STXBP5L: variants seen among roughly 807,000 people sequenced by gnomAD.
STXBP5L encodes syntaxin-binding protein 5-like.
In STXBP5L, 65 loss-of-function variants were observed where a neutral mutation model predicts 144.5. The observed-to-expected ratio is 0.45, with a 90% CI of 0.37 to 0.55. The LOEUF (loss-of-function observed/expected upper bound fraction) is 0.55. Ranked by LOEUF, STXBP5L falls within the 20% of genes least tolerant of loss-of-function variation. The probability of loss-of-function intolerance (pLI) is 0.00; values close to 1 mark genes in which losing one functional copy is unlikely to be tolerated. For synonymous variants in STXBP5L, 505 were observed against 469.6 expected (o/e 1.08, Z -0.97); for missense variants, 1,298 against 1,405.5 (o/e 0.92, Z 1.22).
intron 20 of STXBP5L, among the ~76,000 whole-genome samples, chr3:121,348,360 A>G (rs1028965716): frequency 5.3e-5 from 8 of 152,130 alleles, no homozygotes; most frequent in African/African-American, 1.7e-4. Context: ...TCGGTTTGCC[A>G]GTATTTTATT....
At chr3:121,166,874 G>C (rs1025329591) in intron 9 of STXBP5L, among the ~76,000 whole-genome samples, 6 of 152,128 alleles carry the variant, frequency 3.9e-5, no homozygotes, top group Non-Finnish European at 1.5e-5. Context: ...CATATAAAGA[G>C]AAAGAATATG....
chr3:121,002,402 T>G (rs1454076559), intron 3 of STXBP5L, among the ~76,000 whole-genome samples: 1 of 151,678 alleles, frequency 6.6e-6, no homozygotes, highest in Non-Finnish European at 1.5e-5. Flanking sequence ...AATTTGAGGG[T>G]TTTTTTTGTT....
intron 5 of STXBP5L, among the ~76,000 whole-genome samples, chr3:121,047,449 G>A (rs1560052431): frequency 6.6e-6 from 1 of 152,104 alleles, no homozygotes; most frequent in Non-Finnish European, 1.5e-5. Flanking sequence ...ACTGTCAGTA[G>A]GGTGTTGAAG....
At chr3:121,273,418 A>G (rs543371441) in intron 18 of STXBP5L, among the ~76,000 whole-genome samples, 35 of 151,772 alleles carry the variant, frequency 2.3e-4, no homozygotes, top group African/African-American at 8.0e-4. Context: ...ACAAGTTACT[A>G]TTCTCTTACT....
chr3:121,068,608 T>G (rs578028228), intron 5 of STXBP5L, among the ~76,000 whole-genome samples: 93 of 152,262 alleles, frequency 6.1e-4, no homozygotes, highest in Middle Eastern at 3.4e-3. Context: ...CAACTTGCAC[T>G]TTACCTCTAT....
chr3:121,422,575 CA>C lies in STXBP5L; in HGVS notation c.*3482del, dbSNP rs2047374208. The stretch of plus-strand genomic sequence containing the variant: ...ATTCCTCATTTGTTTTAATCACCTA[CA>C]AAAGCAGTACTACTGACTTTGCTTC... On this transcript the variant is annotated 3_prime_UTR_variant, in exon 27 of 27. Transcript: ENST00000471454. 1 of 152,128 alleles carries C rather than the reference CA, an allele frequency of 6.6e-6. No homozygotes were observed. Among genetic ancestry groups the C allele is most frequent in the African/African-American group, 2.4e-5 (1 of 41,432 alleles). The allele number at this position is 152,128 out of a possible 1,614,324, so 9.4% of individuals were successfully genotyped here.
intron 5 of STXBP5L, among the ~76,000 whole-genome samples, chr3:121,050,978 G>A (rs919778989): frequency 9.5e-4 from 144 of 152,214 alleles, no homozygotes; most frequent in Non-Finnish European, 1.5e-3. Context: ...AAGATCAAAA[G>A]AGAAAAAGAA....
At chr3:121,048,331 G>A (rs1947668350) in intron 5 of STXBP5L, among the ~76,000 whole-genome samples, 1 of 152,030 alleles carries the variant, frequency 6.6e-6, no homozygotes, top group Non-Finnish European at 1.5e-5. Flanking sequence ...CTTGGCCATG[G>A]TCTTTTTGTG....
At chr3:120,969,803 C>T (rs575564933) in intron 3 of STXBP5L, among the ~76,000 whole-genome samples, 1 of 152,060 alleles carries the variant, frequency 6.6e-6, no homozygotes, top group African/African-American at 2.4e-5. Context: ...CACTTACCTT[C>T]AAGATTATTT....
At chr3:121,229,919 C>T (rs755019025) in intron 11 of STXBP5L, among the ~76,000 whole-genome samples, 15 of 152,076 alleles carry the variant, frequency 9.9e-5, no homozygotes, top group Non-Finnish European at 1.9e-4. Context: ...CATATTTAGT[C>T]TTTCTCTTAG....
intron 15 of STXBP5L, among the ~76,000 whole-genome samples, chr3:121,253,693 G>A (rs2050107222): frequency 6.7e-6 from 1 of 149,600 alleles, no homozygotes; most frequent in Non-Finnish European, 1.5e-5. Flanking sequence ...CAGTGGCGCA[G>A]TCTCGGCTCA....
At chr3:121,203,347 A>G (rs2048211718) in intron 9 of STXBP5L, among the ~76,000 whole-genome samples, 1 of 152,184 alleles carries the variant, frequency 6.6e-6, no homozygotes, top group Non-Finnish European at 1.5e-5. Context: ...TTGGCCTGTC[A>G]GTAAAACCAG....
At position 120,989,964 on chromosome 3, in the gene STXBP5L, C is replaced by G. The variant is rs527289790; in HGVS notation, c.287+34927C>G. On this transcript the variant is annotated intron_variant, in intron 3 of 26. Coordinates refer to ENST00000471454, the MANE Select transcript of STXBP5L (RefSeq NM_001308330.2). ...TGTTGGAAGTTCTGGCCAGGACAAT[C>G]AGGCAGGAGAAGGAAATAAAGGGTA... Among the ~76,000 whole-genome samples the G allele has an allele frequency of 6.4e-4, 98 of 152,104 alleles. 1 individual carries two copies. The highest frequency in any genetic ancestry group is 3.7e-3 in the Admixed American group (56 of 15,258).
At chr3:121,008,538 A>T (rs1021713733) in intron 3 of STXBP5L, among the ~76,000 whole-genome samples, 8 of 152,008 alleles carry the variant, frequency 5.3e-5, no homozygotes, top group Non-Finnish European at 7.4e-5. Flanking sequence ...GGGATACAAC[A>T]CCAAATAATG....
intron 17 of STXBP5L, among the ~76,000 whole-genome samples, chr3:121,258,771 TTAAAA>T (rs1282125750): frequency 6.6e-6 from 1 of 152,118 alleles, no homozygotes; most frequent in Non-Finnish European, 1.5e-5. Context: ...TAAAAATAAC[TTAAAA>T]TAATATTCTC....
chr3:121,400,305 A>G (rs1034407888), intron 22 of STXBP5L, among the ~76,000 whole-genome samples: 1 of 152,132 alleles, frequency 6.6e-6, no homozygotes, highest in African/African-American at 2.4e-5. Flanking sequence ...GGCCTGGAGT[A>G]TACATAGAGG....
At chr3:121,353,601 C>T (rs1400993190) in intron 20 of STXBP5L, among the ~76,000 whole-genome samples, 1 of 152,080 alleles carries the variant, frequency 6.6e-6, no homozygotes, top group Non-Finnish European at 1.5e-5. Context: ...TGGTAGTGGT[C>T]TATCAATTTT....
chr3:121,342,441 C>T (rs1480317602), intron 20 of STXBP5L, among the ~76,000 whole-genome samples: 1 of 151,454 alleles, frequency 6.6e-6, no homozygotes, highest in Non-Finnish European at 1.5e-5. Context: ...TGGTGCGCTG[C>T]ACCCATTAAC....
At chr3:121,339,767 G>A (rs1228278889) in intron 20 of STXBP5L, among the ~76,000 whole-genome samples, 4 of 150,842 alleles carry the variant, frequency 2.7e-5, no homozygotes, top group East Asian at 1.9e-4. Context: ...TGCCAACAAC[G>A]ACCAAGCTGA....
Sources: gnomAD v4.1 joint callset for allele counts (sites outside exome capture counted in the v4.1 genomes callset) on GRCh38, gnomAD v4.1.1 for gene constraint, MANE v1.5 for transcripts, NCBI Gene and HGNC (gene_info 2026-07-23, HGNC 2026-07-21) for gene names.